SHLD1: variants seen among roughly 807,000 people sequenced by gnomAD.
SHLD1 encodes shieldin complex subunit 1.
In SHLD1, 3 loss-of-function variants were observed where a neutral mutation model predicts 5.5. The ratio of observed to expected loss-of-function variants is 0.54; its 90% confidence interval spans 0.25 to 1.40. The LOEUF (loss-of-function observed/expected upper bound fraction) is 1.40. SHLD1 is among the 40% of genes most tolerant of loss of function. SHLD1 has a pLI of 0.15. For missense variants in SHLD1, 210 were observed against 244.4 expected, an observed-to-expected ratio of 0.86 and a Z score of 0.94; for synonymous variants, 92 against 94.3, an observed-to-expected ratio of 0.98 and a Z score of 0.14.
intron 1 of SHLD1, among the ~76,000 whole-genome samples, chr20:5,771,142 CCA>C (rs1395123072): frequency 6.6e-6 from 1 of 152,188 alleles, no homozygotes; most frequent in Non-Finnish European, 1.5e-5. Flanking sequence ...TGCAGCGTTG[CCA>C]CAGAGTACCA....
chr20:5,768,647 G>C (rs1192770810), intron 1 of SHLD1, among the ~76,000 whole-genome samples: 1 of 152,158 alleles, frequency 6.6e-6, no homozygotes, highest in African/African-American at 2.4e-5. Context: ...TAATTCACTG[G>C]ATATACCCTT....
chr20:5,779,972 GTTT>G (rs11381238), intron 2 of SHLD1, among the ~76,000 whole-genome samples: 1 of 81,782 alleles, frequency 1.2e-5, no homozygotes, highest in Admixed American at 1.7e-4. Flanking sequence ...TACAATTTCT[GTTT>G]TTTTTTTTTT....
chr20:5,794,041 CT>C (rs1212838795), intron 2 of SHLD1, among the ~76,000 whole-genome samples: 1 of 138,080 alleles, frequency 7.2e-6, no homozygotes, highest in Non-Finnish European at 1.6e-5. Flanking sequence ...GTTCCCCTCA[CT>C]TAAAAAAAAA....
intron 2 of SHLD1, among the ~76,000 whole-genome samples, chr20:5,784,514 G>C (rs189210850): frequency 2.0e-5 from 3 of 151,766 alleles, no homozygotes; most frequent in African/African-American, 7.3e-5. Flanking sequence ...GCAGTGGCGC[G>C]ATCTCGGCTC....
At chr20:5,829,727 A>G (rs2087706117) in intron 2 of SHLD1, among the ~76,000 whole-genome samples, 1 of 152,158 alleles carries the variant, frequency 6.6e-6, no homozygotes, top group Non-Finnish European at 1.5e-5. Flanking sequence ...TTTACCAGTG[A>G]GTGGTTGGGT....
chr20:5,819,497 G>A (rs540777190), intron 2 of SHLD1, among the ~76,000 whole-genome samples: 28 of 152,252 alleles, frequency 1.8e-4, no homozygotes, highest in Middle Eastern at 3.4e-3. Context: ...GAACAACACC[G>A]ACTATTGTCA....
chr20:5,831,727 ATCTCTC>A (rs368300547), intron 2 of SHLD1, among the ~76,000 whole-genome samples: 23 of 149,800 alleles, frequency 1.5e-4, no homozygotes, highest in Non-Finnish European at 3.0e-4. Context: ...AATCCCTTTG[ATCTCTC>A]TCTCTCTCTC....
chr20:5,844,140 A>T (rs942465718), intron 2 of SHLD1, among the ~76,000 whole-genome samples: 8 of 152,112 alleles, frequency 5.3e-5, no homozygotes, highest in Non-Finnish European at 1.0e-4. Flanking sequence ...GTTGAGAGTG[A>T]TCTCCTATAA....
chr20:5,783,686 CA>C (rs2122280800), intron 2 of SHLD1, among the ~76,000 whole-genome samples: 2 of 152,264 alleles, frequency 1.3e-5, no homozygotes, highest in South Asian at 4.1e-4. Flanking sequence ...CTGAGGCTCA[CA>C]GAGTTAGAGA....
intron 2 of SHLD1, among the ~76,000 whole-genome samples, chr20:5,841,854 A>G (rs1171370975): frequency 1.3e-5 from 2 of 152,214 alleles, no homozygotes; most frequent in Non-Finnish European, 2.9e-5. Flanking sequence ...CTGTGGGCCA[A>G]TGGCTGCACA....
intron 2 of SHLD1, among the ~76,000 whole-genome samples, chr20:5,809,767 A>G (rs1379040046): frequency 6.6e-6 from 1 of 152,070 alleles, no homozygotes; most frequent in Non-Finnish European, 1.5e-5. Flanking sequence ...ACTGACATAT[A>G]GTCGGGAGAG....
chr20:5,848,390 A>C (rs1364034430), intron 2 of SHLD1, among the ~76,000 whole-genome samples: 1 of 152,206 alleles, frequency 6.6e-6, no homozygotes, highest in African/African-American at 2.4e-5. Context: ...AAATACAAAA[A>C]TTAGCTGGAT....
chr20:5,817,416 CTCTCTCTCTCTCTCTCTGTGTGTGTG>C lies in SHLD1; in HGVS notation c.178+44375_178+44400del, dbSNP rs1212269523. Among the ~76,000 whole-genome samples the C allele has an allele frequency of 5.7e-3, 781 of 137,698 alleles. 13 individuals are homozygous for C. Among genetic ancestry groups the C allele is most frequent in the African/African-American group, 0.021 (747 of 34,966 alleles). The allele number at this position is 137,698 out of a possible 152,430, so 90.3% of individuals were successfully genotyped here. On this transcript the variant is annotated intron_variant, in intron 2 of 2. Coordinates refer to ENST00000303142, the MANE Select transcript of SHLD1 (RefSeq NM_152504.4). ...ATTTTCTCTCTCTCTCTCTCTCTCT[CTCTCTCTCTCTCTCTCTGTGTGTGTG>C]TGTGTGTGTGTGTGTGTGTGTGTGT...
At chr20:5,767,137 C>CTTTTCTT (rs1984879320) in intron 1 of SHLD1, among the ~76,000 whole-genome samples, 1 of 145,536 alleles carries the variant, frequency 6.9e-6, no homozygotes, top group Non-Finnish European at 1.5e-5. Flanking sequence ...CTTTTCTTTT[C>CTTTTCTT]TTTTCTTTTC....
At chr20:5,774,143 G>A (rs1239441465) in intron 2 of SHLD1, among the ~76,000 whole-genome samples, 2 of 152,154 alleles carry the variant, frequency 1.3e-5, no homozygotes, top group African/African-American at 2.4e-5. Context: ...GGTGGAGGTT[G>A]CAGTGAGCTG....
At chr20:5,754,822 G>C (rs111632760) in intron 1 of SHLD1, among the ~76,000 whole-genome samples, 2,783 of 152,288 alleles carry the variant, frequency 0.018, 84 homozygotes, top group African/African-American at 0.062. Context: ...TTGGGAGGCC[G>C]ACGCGGGCGG....
At chr20:5,774,839 A>C (rs1241373721) in intron 2 of SHLD1, among the ~76,000 whole-genome samples, 1 of 152,160 alleles carries the variant, frequency 6.6e-6, no homozygotes, top group Non-Finnish European at 1.5e-5. Context: ...CATATCACTG[A>C]CCAAGAATTA....
intron 2 of SHLD1, among the ~76,000 whole-genome samples, chr20:5,835,453 A>G (rs2087778076): frequency 6.6e-6 from 1 of 152,242 alleles, no homozygotes; most frequent in Non-Finnish European, 1.5e-5. Context: ...AAGACCTGCC[A>G]AGTACCATCT....
At chr20:5,783,539 T>C (rs1479239408) in intron 2 of SHLD1, among the ~76,000 whole-genome samples, 1 of 152,138 alleles carries the variant, frequency 6.6e-6, no homozygotes, top group Non-Finnish European at 1.5e-5. Context: ...GATTGAGTTA[T>C]GCAGATTCAG....
Sources: gnomAD v4.1 joint callset for allele counts (sites outside exome capture counted in the v4.1 genomes callset) on GRCh38, gnomAD v4.1.1 for gene constraint, MANE v1.5 for transcripts, NCBI Gene and HGNC (gene_info 2026-07-23, HGNC 2026-07-21) for gene names.